SRSF5: variants seen among roughly 807,000 people sequenced by gnomAD.
SRSF5 encodes the protein serine and arginine rich splicing factor 5, also known as serine/arginine-rich splicing factor 5.
A neutral mutation model predicts 34.0 loss-of-function variants in SRSF5; 5 were observed. That is an observed-to-expected ratio of 0.15 (90% CI 0.08 to 0.31). SRSF5 has a LOEUF of 0.31. Ranked by LOEUF, SRSF5 falls within the 10% of genes least tolerant of loss-of-function variation. SRSF5 has a pLI of 1.00. For synonymous variants in SRSF5, 164 were observed against 117.7 expected (o/e 1.39, Z -2.55); for missense variants, 223 against 351.4 (o/e 0.63, Z 2.92).
chr14:69,770,181 GTTTGT>G (rs1883031859), intron 5 of SRSF5: 1 of 1,106,752 alleles, frequency 9.0e-7, no homozygotes, highest in South Asian at 3.8e-5. Flanking sequence ...TTGTTTTTTT[GTTTGT>G]TTTTTTTTCT....
chr14:69,769,946 A>G (rs1883006550), intron 5 of SRSF5: 2 of 1,069,000 alleles, frequency 1.9e-6, no homozygotes, highest in Non-Finnish European at 2.3e-6. Context: ...GTGTCCTTCA[A>G]GTGGGTGGCG....
In SRSF5 at chr14:69,771,300, AGGAGCC is replaced by A. The variant is rs537239443; in HGVS notation, c.670_675del (p.Arg224_Ser225del). The A allele has an allele frequency of 1.9e-5, 31 of 1,614,124 alleles. No homozygotes were observed. Among genetic ancestry groups the A allele is most frequent in the South Asian group, 9.9e-5 (9 of 91,070 alleles). On this transcript the variant is annotated inframe_deletion, in exon 8 of 8. Coordinates refer to ENST00000557154, the MANE Select transcript of SRSF5 (RefSeq NM_001320214.2). ...TTACAGCCGGTCAAGAAGCAGGAGCAGGAGCCGGAGCCGGAGCAAGTCCCGTTCTGT... is the reference window on the plus strand; with the variant it reads ...TTACAGCCGGTCAAGAAGCAGGAGCAGGAGCCGGAGCAAGTCCCGTTCTGT...
At chr14:69,769,063 T>C in intron 4 of SRSF5, 119 bp from the exon 5 acceptor site, 2 of 1,347,304 alleles carry the variant, frequency 1.5e-6, no homozygotes, top group South Asian at 1.2e-5. Flanking sequence ...AGAACACAAA[T>C]CTATTGACGG....
intron 5 of SRSF5, 37 bp downstream of exon 5, chr14:69,769,288 G>C: frequency 3.1e-6 from 5 of 1,609,074 alleles, no homozygotes; most frequent in Non-Finnish European, 4.2e-6. Flanking sequence ...TTTTGATGTG[G>C]CTTTTTAAAA....
chr14:69,770,900 A>G, intron 6 of SRSF5, 95 bp from the exon 7 acceptor site: 2 of 1,097,432 alleles, frequency 1.8e-6, no homozygotes, highest in South Asian at 3.1e-5. Context: ...AGCAATAGCA[A>G]AAGTGAACAT....
At chr14:69,769,074 A>T in intron 4 of SRSF5, 108 bp from the exon 5 acceptor site, 1 of 1,360,910 alleles carries the variant, frequency 7.3e-7, no homozygotes, top group South Asian at 1.2e-5. Flanking sequence ...CTATTGACGG[A>T]AGTCATTAGA....
In SRSF5 at chr14:69,771,115, A is replaced by G. The variant is rs778157462; in HGVS notation, c.551+10A>G. On this transcript the variant is annotated intron_variant, in intron 7 of 7. Transcript: ENST00000557154. Reference sequence around the variant, plus strand: ...GCAGCAAAAGGCACAGGTATCTCTAATTTTTTAAAGTCAAAAGTTGTATTT... The same window carrying G: ...GCAGCAAAAGGCACAGGTATCTCTAGTTTTTTAAAGTCAAAAGTTGTATTT... The G allele has an allele frequency of 5.6e-6, 9 of 1,612,932 alleles. No homozygotes were observed. Among genetic ancestry groups the G allele is most frequent in the East Asian group, 2.2e-5 (1 of 44,880 alleles).
chr14:69,770,424 C>T (rs776568556), intron 5 of SRSF5, 43 bp from the exon 6 acceptor site: 6 of 1,602,486 alleles, frequency 3.7e-6, no homozygotes, highest in Non-Finnish European at 5.1e-6. Context: ...GTTTGTGTGT[C>T]CCCTTTCCTC....
chr14:69,769,676 T>A, intron 5 of SRSF5: 1 of 1,457,424 alleles, frequency 6.9e-7, no homozygotes, highest in South Asian at 1.3e-5. Flanking sequence ...ATCGGTGCAC[T>A]TCCTTGAAGT....
intron 1 of SRSF5, chr14:69,767,762 T>A (rs1477235423): frequency 5.7e-6 from 2 of 352,268 alleles, no homozygotes; most frequent in Non-Finnish European, 1.1e-5. Flanking sequence ...CCACCCGCTG[T>A]GACGCGCCCG....
At chr14:69,767,404 T>A (rs1478944503) in intron 1 of SRSF5, 149 bp downstream of exon 1, 1 of 455,788 alleles carries the variant, frequency 2.2e-6, no homozygotes, top group East Asian at 7.0e-5. Flanking sequence ...CACGTCTCCC[T>A]TTTGGCATAC....
intron 1 of SRSF5, 116 bp downstream of exon 1, chr14:69,767,371 T>TC: frequency 2.2e-6 from 1 of 455,820 alleles, no homozygotes; most frequent in Middle Eastern, 3.3e-4. Context: ...ATGAGCGCAG[T>TC]TGATTCGAGG....
rs3105 is a variant in SRSF5 at position 69,768,969 on chromosome 14, A to G, written c.296+73A>G. 52 of 1,509,346 alleles carry G rather than the reference A, an allele frequency of 3.4e-5. 1 individual carries two copies. The Admixed American group carries it at 3.9e-4, about 11-fold the overall frequency. The allele number at this position is 1,509,346 out of a possible 1,614,324, so 93.5% of individuals were successfully genotyped here. A position where few individuals can be genotyped will look rare whatever the true frequency, so the allele number is the denominator to read the frequency against. ...CATTTAAGATTCAGGAGTCATTAGC[A>G]GTGATGATTTTGGGTCCTGCCGTAT... On this transcript the variant is annotated intron_variant, in intron 4 of 7. Transcript: ENST00000557154.
intron 5 of SRSF5, 161 bp downstream of exon 5, chr14:69,769,412 G>T: frequency 6.6e-7 from 1 of 1,510,336 alleles, no homozygotes; most frequent in South Asian, 1.2e-5. Flanking sequence ...GGGATATTTT[G>T]AACTTTAATA....
At chr14:69,767,453 C>G (rs778545957) in intron 1 of SRSF5, 198 bp downstream of exon 1, 11 of 455,908 alleles carry the variant, frequency 2.4e-5, no homozygotes, top group South Asian at 1.5e-4. Flanking sequence ...GGTCACTGTT[C>G]GGGTCGTTTT....
intron 1 of SRSF5, chr14:69,767,919 C>A (rs923270746): frequency 6.0e-6 from 3 of 496,028 alleles, no homozygotes; most frequent in African/African-American, 1.9e-5. Flanking sequence ...GTGGGCGTTG[C>A]GGTTGCTGCG....
chr14:69,771,224 C>T lies in SRSF5; in HGVS notation c.582C>T (p.Thr194=). 1 of 1,614,090 alleles carries T rather than the reference C, an allele frequency of 6.2e-7. No individual in the cohort carries two copies. The highest frequency in any genetic ancestry group is 8.5e-7 in the Non-Finnish European group (1 of 1,180,028). Residue 194 remains threonine, a synonymous_variant, in exon 8 of 8, where the codon ACC becomes ACT. Transcript: ENST00000557154. The part of the protein sequence containing the change: ...SRSRSRSRSR[T]RSSSRSRSRS... ...CAAGAAGCAGGTCTCGATCCCGGAC[C>T]AGAAGTTCCTCTAGGTCTCGTAGCC...
rs1341291534 is a variant in SRSF5 at position 69,767,221 on chromosome 14, TCTGGGTCTCAG to T, written c.-52_-42del. ...GACTCCGTCGCAGACTACGGACCTG[TCTGGGTCTCAG>T]CCGCCAAAGACCCCGTCCGGTAGGT... On this transcript the variant is annotated 5_prime_UTR_variant, in exon 1 of 8. Transcript: ENST00000557154. 3 of 369,448 alleles carry T rather than the reference TCTGGGTCTCAG, an allele frequency of 8.1e-6. No homozygotes were observed. The highest frequency in any genetic ancestry group is 3.7e-5 in the Admixed American group (1 of 26,752). 22.9% of individuals were successfully genotyped at this position (369,448 alleles called of 1,614,324 possible).
Position 69,771,365 on chromosome 14 carries a change from A to C in SRSF5, c.723A>C (p.Lys241Asn). The change falls in exon 8 of 8, where the codon AAA becomes AAC. Residue 241 changes from lysine (K) to asparagine (N), a missense_variant. Coordinates refer to ENST00000557154, the MANE Select transcript of SRSF5 (RefSeq NM_001320214.2). ...SRSPVPEKSQ[K>N]RGSSSRSKSP... The stretch of plus-strand genomic sequence containing the variant: ...CTCCCGTGCCTGAGAAGAGCCAGAA[A>C]CGTGGTTCTTCAAGTAGATCTAAGT... 1.2e-6 allele frequency: 2 copies of C among 1,614,200 alleles called. No individual in the cohort carries two copies. Among genetic ancestry groups the C allele is most frequent in the East Asian group, 4.5e-5 (2 of 44,890 alleles).
Sources: gnomAD v4.1 joint callset for allele counts on GRCh38, gnomAD v4.1.1 for gene constraint, MANE v1.5 for transcripts, NCBI Gene and HGNC (gene_info 2026-07-23, HGNC 2026-07-21) for gene names.